ATP6V0A4: variants seen among roughly 807,000 people sequenced by gnomAD.
The protein encoded by ATP6V0A4 is ATPase H+ transporting V0 subunit a4.
A neutral mutation model predicts 107.3 loss-of-function variants in ATP6V0A4; 86 were observed. The ratio of observed to expected loss-of-function variants is 0.80; its 90% CI spans 0.67 to 0.96. The LOEUF (loss-of-function observed/expected upper bound fraction) is 0.96, where lower values mean the gene tolerates loss of function less well. Ranked by LOEUF, ATP6V0A4 falls within the 40% of genes least tolerant of loss-of-function variation. The pLI, the probability that ATP6V0A4 is intolerant of heterozygous loss-of-function variation, is 0.00. For synonymous variants in ATP6V0A4, 353 were observed against 381.4 expected (o/e 0.93, Z 0.87); for missense variants, 908 against 1,045.6 (o/e 0.87, Z 1.81).
At chr7:138,734,938 G>C (rs1293455051) in intron 15 of ATP6V0A4, among the ~76,000 whole-genome samples, 1 of 152,010 alleles carries the variant, frequency 6.6e-6, no homozygotes, top group African/African-American at 2.4e-5. Flanking sequence ...AGTCTGTAGT[G>C]CTTCGCATTA....
intron 14 of ATP6V0A4, among the ~76,000 whole-genome samples, chr7:138,740,050 G>A (rs1584914805): frequency 6.8e-6 from 1 of 146,054 alleles, no homozygotes; most frequent in Non-Finnish European, 1.5e-5. Flanking sequence ...AGCCATGATT[G>A]TACCACTGCA....
chr7:138,711,167 C>T (rs1410177360), intron 20 of ATP6V0A4, among the ~76,000 whole-genome samples: 1 of 151,970 alleles, frequency 6.6e-6, no homozygotes, highest in African/African-American at 2.4e-5. Flanking sequence ...TCTTACATGC[C>T]CATGGAGTCT....
chr7:138,758,499 C>T (rs115796011), intron 8 of ATP6V0A4, among the ~76,000 whole-genome samples: 214 of 152,070 alleles, frequency 1.4e-3, no homozygotes, highest in African/African-American at 4.9e-3. Context: ...AGATTATAGA[C>T]GCTCAGAAAT....
chr7:138,770,363 A>C (rs7799249), intron 3 of ATP6V0A4, among the ~76,000 whole-genome samples: 91,580 of 151,976 alleles, frequency 0.6, 29,215 homozygotes, highest in Middle Eastern at 0.72. Flanking sequence ...AAAATCCTCA[A>C]TGGGGTCATA....
chr7:138,766,710 A>C (rs1807111216), intron 5 of ATP6V0A4, among the ~76,000 whole-genome samples: 1 of 152,280 alleles, frequency 6.6e-6, no homozygotes, highest in Admixed American at 6.5e-5. Context: ...TAAACTTGAA[A>C]ATGTGTGTGC....
intron 15 of ATP6V0A4, among the ~76,000 whole-genome samples, chr7:138,737,110 T>TA (rs1805364892): frequency 2.2e-5 from 2 of 90,702 alleles, no homozygotes; most frequent in Admixed American, 1.3e-4. Context: ...AAGTAAGCCC[T>TA]TATTAATATA....
intron 5 of ATP6V0A4, among the ~76,000 whole-genome samples, chr7:138,767,645 A>C (rs1807161430): frequency 7.4e-6 from 1 of 134,762 alleles, no homozygotes; most frequent in Admixed American, 7.3e-5. Context: ...AGTTATCTTC[A>C]AAAAAAAAAA....
In ATP6V0A4 at chr7:138,773,485, C is replaced by T. The variant is rs7778796; in HGVS notation, c.-17-2221G>A. Among the ~76,000 whole-genome samples, 934 of 152,260 alleles carry T rather than the reference C, an allele frequency of 6.1e-3. 5 individuals carry two copies. The highest frequency in any genetic ancestry group is 0.015 in the South Asian group (74 of 4,832). On this transcript the variant is annotated intron_variant, in intron 2 of 21. Transcript: ENST00000310018. This position sits in a 1 kb window ranked among gnomAD's most constrained non-coding sequence, Gnocchi z 5.4. ...CCCCAGAAGAGCAATCATTTGCAAT[C>T]GCTTGTTTAACTGCCTGGATTCCCC...
intron 1 of ATP6V0A4, among the ~76,000 whole-genome samples, chr7:138,787,018 C>T (rs982554747): frequency 6.6e-6 from 1 of 152,142 alleles, no homozygotes; most frequent in South Asian, 2.1e-4. Context: ...GAAGAAACTT[C>T]GAGATCACCT....
At chr7:138,745,670 A>AAAAAAAAAAAAAAAAAAAAAAAAAAT (rs1805885690) in intron 13 of ATP6V0A4, among the ~76,000 whole-genome samples, 1 of 141,730 alleles carries the variant, frequency 7.1e-6, no homozygotes, top group Non-Finnish European at 1.5e-5. Context: ...AAAAAAAAAA[A>AAAAAAAAAAAAAAAAAAAAAAAAAAT]AGGCCGGGTG....
At chr7:138,757,088 G>A (rs1479523386) in intron 8 of ATP6V0A4, among the ~76,000 whole-genome samples, 1 of 152,160 alleles carries the variant, frequency 6.6e-6, no homozygotes, top group Non-Finnish European at 1.5e-5. Context: ...GTCCAAGTTG[G>A]ACAATTCACA....
chr7:138,798,058 C>A lies in ATP6V0A4; in HGVS notation c.-145G>T, dbSNP rs1808773911. ...CCTGCAGCAGGCACTCGGCACAACT[C>A]CGCAGGACCGGCTCACCTGCACCGG... On this transcript the variant is annotated 5_prime_UTR_variant, in exon 1 of 22. Transcript: ENST00000310018. 2 of 1,563,472 alleles carry A rather than the reference C, an allele frequency of 1.3e-6. No homozygotes were observed. The highest frequency in any genetic ancestry group is 1.9e-5 in the Admixed American group (1 of 51,952).
At chr7:138,761,753 C>A (rs960713213) in intron 7 of ATP6V0A4, among the ~76,000 whole-genome samples, 3 of 152,140 alleles carry the variant, frequency 2.0e-5, no homozygotes, top group Non-Finnish European at 2.9e-5. Context: ...GATCTTGGCT[C>A]ACTGCAACCT....
At position 138,734,166 on chromosome 7, in the gene ATP6V0A4, A is replaced by T; in HGVS notation, c.1661T>A (p.Phe554Tyr). 6.2e-7 allele frequency: 1 copy of T among 1,613,720 alleles called. No individual in the cohort carries two copies. Among genetic ancestry groups the T allele is most frequent in the Non-Finnish European group, 8.5e-7 (1 of 1,179,666 alleles). Residue 554 changes from phenylalanine (F) to tyrosine (Y), a missense_variant, in exon 16 of 22, where the codon TTC becomes TAC. Coordinates refer to ENST00000310018, the MANE Select transcript of ATP6V0A4 (RefSeq NM_020632.3). ...SVILGIVQMV[F>Y]GVILSLFNHI... ...ATTGAAAAGGCTGAGGATGACACCGAAAACCATCTGGACAATTCCCAGGAT... is the reference window on the plus strand; with the variant it reads ...ATTGAAAAGGCTGAGGATGACACCGTAAACCATCTGGACAATTCCCAGGAT...
intron 1 of ATP6V0A4, among the ~76,000 whole-genome samples, chr7:138,792,124 C>A (rs572983712): frequency 6.6e-6 from 1 of 152,056 alleles, no homozygotes; most frequent in Non-Finnish European, 1.5e-5. Flanking sequence ...CTGGCTAACA[C>A]GGTGAAACCC....
chr7:138,783,718 C>A (rs1475997186), intron 2 of ATP6V0A4, among the ~76,000 whole-genome samples: 6 of 152,082 alleles, frequency 3.9e-5, no homozygotes, highest in African/African-American at 1.2e-4. Flanking sequence ...AAGAGTAAGA[C>A]CCTGTCTCAA....
chr7:138,747,764 AT>A (rs533828165), intron 12 of ATP6V0A4, 200 bp from the exon 13 acceptor site: 308 of 878,788 alleles, frequency 3.5e-4, no homozygotes, highest in Non-Finnish European at 4.0e-4. Context: ...CTGTTTTTCA[AT>A]TTTTTTTGAA....
intron 21 of ATP6V0A4, among the ~76,000 whole-genome samples, chr7:138,707,465 G>A (rs1185704672): frequency 1.4e-5 from 2 of 139,436 alleles, no homozygotes; most frequent in South Asian, 2.2e-4. Context: ...GCAATAGTGC[G>A]ATCTCAGCTC....
intron 11 of ATP6V0A4, among the ~76,000 whole-genome samples, chr7:138,750,580 G>C (rs1005963601): frequency 6.6e-6 from 1 of 152,170 alleles, no homozygotes; most frequent in East Asian, 1.9e-4. Flanking sequence ...CCGACAGCAC[G>C]TGCCACATGC....
Sources: gnomAD v4.1 joint callset for allele counts (sites outside exome capture counted in the v4.1 genomes callset) on GRCh38, gnomAD v4.1.1 for gene constraint, Gnocchi (gnomAD v3.1) non-coding constraint, MANE v1.5 for transcripts, NCBI Gene and HGNC (gene_info 2026-07-23, HGNC 2026-07-21) for gene names.